Variants in COMMD1 observed in about 807,000 individuals in gnomAD.
COMMD1 encodes the protein COMM domain-containing protein 1.
Under a neutral mutation model 17.2 loss-of-function variants are expected in COMMD1, and 10 were observed. That is an observed-to-expected ratio of 0.58 (90% CI 0.36 to 0.99). The LOEUF is 0.99. COMMD1 is among the 50% of genes least tolerant of loss of function. COMMD1 has a pLI of 0.01. For missense variants in COMMD1, 270 were observed against 231.8 expected (o/e 1.17, Z -1.07); for synonymous variants, 97 against 91.6 (o/e 1.06, Z -0.34).
chr2:62,091,662 GC>G (rs1264040771), intron 2 of COMMD1, among the ~76,000 whole-genome samples: 1 of 152,176 alleles, frequency 6.6e-6, no homozygotes, highest in East Asian at 1.9e-4. Flanking sequence ...TTCTTTAAGG[GC>G]AGTGTCAGTG....
At chr2:61,986,869 T>A in intron 1 of COMMD1, among the ~76,000 whole-genome samples, 1 of 152,066 alleles carries the variant, frequency 6.6e-6, no homozygotes, top group East Asian at 1.9e-4. Context: ...GTGCCCAGCC[T>A]CTTTTTCTTT....
intron 2 of COMMD1, among the ~76,000 whole-genome samples, chr2:62,130,627 G>A (rs1172411860): frequency 1.3e-5 from 2 of 152,174 alleles, no homozygotes; most frequent in Non-Finnish European, 2.9e-5. Context: ...ATGGGAAGTA[G>A]TATTACTGTA....
intron 1 of COMMD1, among the ~76,000 whole-genome samples, chr2:61,932,735 A>G (rs987656592): frequency 6.6e-6 from 1 of 152,162 alleles, no homozygotes; most frequent in African/African-American, 2.4e-5. Context: ...CGTGTGCCCA[A>G]ACCCCTTGCA....
intron 1 of COMMD1, among the ~76,000 whole-genome samples, chr2:61,925,233 G>A (rs11682261): frequency 0.12 from 18,376 of 151,750 alleles, 2,659 homozygotes; most frequent in African/African-American, 0.35. Context: ...GCCAGAGTCT[G>A]TCTGCTTCCT....
intron 1 of COMMD1, among the ~76,000 whole-genome samples, chr2:61,922,444 A>C (rs1488394969): frequency 1.3e-5 from 2 of 152,092 alleles, no homozygotes; most frequent in Non-Finnish European, 2.9e-5. Flanking sequence ...CAGCCTCCCA[A>C]GTAGCTGGGA....
chr2:62,134,929 T>A (rs1320814725), intron 2 of COMMD1, among the ~76,000 whole-genome samples: 2 of 152,204 alleles, frequency 1.3e-5, no homozygotes, highest in African/African-American at 2.4e-5. Context: ...CAAGATCTGG[T>A]TATCTTTCAG....
intron 1 of COMMD1, among the ~76,000 whole-genome samples, chr2:61,958,500 C>G (rs1671254274): frequency 6.6e-6 from 1 of 152,118 alleles, no homozygotes; most frequent in Admixed American, 6.5e-5. Context: ...CTCCTGACCT[C>G]AAATGATCCA....
chr2:62,076,115 T>G (rs1671331243), intron 2 of COMMD1, among the ~76,000 whole-genome samples: 1 of 152,268 alleles, frequency 6.6e-6, no homozygotes, highest in Non-Finnish European at 1.5e-5. Flanking sequence ...TTTCTCTGAC[T>G]CTGCCTGACT....
chr2:61,968,984 GT>G (rs747394872), intron 1 of COMMD1: 38 of 335,444 alleles, frequency 1.1e-4, no homozygotes, highest in East Asian at 7.4e-4. Flanking sequence ...ATCTTGCTGT[GT>G]TGCCCAGGAT....
At chr2:61,975,118 C>CTTTT in intron 1 of COMMD1, among the ~76,000 whole-genome samples, 1,242 of 80,000 alleles carry the variant, frequency 0.016, no homozygotes, top group East Asian at 0.023. Context: ...TCATTTCTTT[C>CTTTT]TTTTTTTTTT....
At position 62,066,816 on chromosome 2, in the gene COMMD1, C is replaced by T. The variant is rs530306942; in HGVS notation, c.462+65834C>T. Among the ~76,000 whole-genome samples the T allele has an allele frequency of 3.3e-5, 5 of 152,030 alleles. No homozygotes were observed. In the South Asian group the frequency reaches 1.0e-3, roughly 32 times the overall value. Reference sequence around the variant, plus strand: ...TTGCGGCTCACTGCAACCTCCACCTCCTGGGTTCTAGCAGTTCTTGTGCCT... The same window carrying T: ...TTGCGGCTCACTGCAACCTCCACCTTCTGGGTTCTAGCAGTTCTTGTGCCT... On this transcript the variant is annotated intron_variant, in intron 2 of 2. Coordinates refer to ENST00000311832, the MANE Select transcript of COMMD1 (RefSeq NM_152516.4).
In COMMD1 at chr2:62,120,327, C is replaced by A. The variant is rs116425131; in HGVS notation, c.463-15504C>A. ...TGGGTTTTTTTTTTTTTCTTCAATT[C>A]CTCTCTGTTTCTTTCATGTAAATAT... On this transcript the variant is annotated intron_variant, in intron 2 of 2. Coordinates refer to ENST00000311832, the MANE Select transcript of COMMD1 (RefSeq NM_152516.4). Among the ~76,000 whole-genome samples, 700 of 149,104 alleles carry A rather than the reference C, an allele frequency of 4.7e-3. 6 individuals carry two copies. The highest frequency in any genetic ancestry group is 0.016 in the African/African-American group (649 of 40,702).
chr2:62,031,312 T>A (rs1669903028), intron 2 of COMMD1, among the ~76,000 whole-genome samples: 1 of 152,334 alleles, frequency 6.6e-6, no homozygotes, highest in South Asian at 2.1e-4. Flanking sequence ...TTGAGTACTT[T>A]TTCTTTTTAA....
chr2:61,968,162 GA>G (rs142593859), intron 1 of COMMD1, among the ~76,000 whole-genome samples: 4 of 146,894 alleles, frequency 2.7e-5, no homozygotes, highest in African/African-American at 7.4e-5. Flanking sequence ...CTCCCTCTCA[GA>G]AAAAAAAAAG....
At chr2:61,981,803 A>T (rs1283151176) in intron 1 of COMMD1, among the ~76,000 whole-genome samples, 1 of 152,088 alleles carries the variant, frequency 6.6e-6, no homozygotes, top group South Asian at 2.1e-4. Context: ...TGATTCAATT[A>T]CCTGCCACTG....
intron 2 of COMMD1, among the ~76,000 whole-genome samples, chr2:62,003,150 T>A (rs1669004917): frequency 6.6e-6 from 1 of 151,524 alleles, no homozygotes. Context: ...GGAGAATCAC[T>A]TGAACCTGGG....
chr2:62,103,855 T>C (rs1389253947), intron 2 of COMMD1, among the ~76,000 whole-genome samples: 1 of 152,140 alleles, frequency 6.6e-6, no homozygotes, highest in Non-Finnish European at 1.5e-5. Context: ...ATTTTTTTTT[T>C]TCCAAGACAG....
intron 2 of COMMD1, among the ~76,000 whole-genome samples, chr2:62,090,511 C>T (rs4123561): frequency 0.17 from 25,893 of 152,188 alleles, 2,309 homozygotes; most frequent in Admixed American, 0.23. Flanking sequence ...CAAGGAACGC[C>T]TGGTCCTCAA....
At chr2:62,098,162 C>CTTTTTTTTTTT (rs1212972398) in intron 2 of COMMD1, among the ~76,000 whole-genome samples, 1 of 125,848 alleles carries the variant, frequency 7.9e-6, no homozygotes, top group East Asian at 2.3e-4. Context: ...TCCTTTCTTT[C>CTTTTTTTTTTT]TTTTTTTTTT....
Sources: gnomAD v4.1 joint callset for allele counts (sites outside exome capture counted in the v4.1 genomes callset) on GRCh38, gnomAD v4.1.1 for gene constraint, MANE v1.5 for transcripts, NCBI Gene and HGNC (gene_info 2026-07-23, HGNC 2026-07-21) for gene names.